ARHGAP42: variants seen among roughly 807,000 people sequenced by gnomAD.
ARHGAP42 encodes the protein rho GTPase-activating protein 42.
Under a neutral mutation model 125.0 loss-of-function variants are expected in ARHGAP42, and 63 were observed. That is an observed-to-expected ratio of 0.50 (90% CI 0.41 to 0.62). The LOEUF (loss-of-function observed/expected upper bound fraction) is 0.62, where lower values mean the gene tolerates loss of function less well. Among genes scored for constraint, ARHGAP42 ranks in the 20% least tolerant of loss-of-function variants. The probability of loss-of-function intolerance (pLI) is 0.00; values close to 1 mark genes in which losing one functional copy is unlikely to be tolerated. For missense variants in ARHGAP42, 766 were observed against 1,024.2 expected (o/e 0.75, Z 3.44); for synonymous variants, 339 against 351.0 (o/e 0.97, Z 0.38).
intron 7 of ARHGAP42, among the ~76,000 whole-genome samples, chr11:100,933,512 G>A (rs978537565): frequency 2.0e-5 from 3 of 152,178 alleles, no homozygotes; most frequent in African/African-American, 7.2e-5. Context: ...GGATGAGTAA[G>A]TTTGGAGAGC....
chr11:100,868,900 A>G (rs1035972130), intron 4 of ARHGAP42, among the ~76,000 whole-genome samples: 3 of 152,142 alleles, frequency 2.0e-5, no homozygotes, highest in Admixed American at 2.0e-4. Flanking sequence ...TTTCTTCCAC[A>G]TAGTAAGTAC....
intron 2 of ARHGAP42, among the ~76,000 whole-genome samples, chr11:100,792,064 C>G (rs1863580604): frequency 6.6e-6 from 1 of 152,184 alleles, no homozygotes; most frequent in African/African-American, 2.4e-5. Context: ...CAGCTGTTCT[C>G]AGAGGCAATA....
intron 12 of ARHGAP42, among the ~76,000 whole-genome samples, chr11:100,952,969 C>G (rs1857704748): frequency 6.6e-6 from 1 of 152,018 alleles, no homozygotes; most frequent in Non-Finnish European, 1.5e-5. Context: ...TCCTGTCGAA[C>G]TCCTCGGGTA....
rs549014870 is a variant in ARHGAP42 at position 100,944,138 on chromosome 11, C to T, written c.1043+270C>T. On this transcript the variant is annotated intron_variant, in intron 10 of 23. Coordinates refer to ENST00000298815, the MANE Select transcript of ARHGAP42 (RefSeq NM_152432.4). ...ATTAGGAGAAAGTGCATGTAGTGGC[C>T]TCATGGTCCCCATCATCATGAAGGA... 5.3e-5 allele frequency among the ~76,000 whole-genome samples: 8 copies of T among 152,072 alleles called. No individual in the cohort carries two copies. The South Asian group carries it at 1.7e-3, about 32-fold the overall frequency.
intron 3 of ARHGAP42, among the ~76,000 whole-genome samples, chr11:100,810,397 C>A (rs900033696): frequency 6.6e-6 from 1 of 152,194 alleles, no homozygotes; most frequent in Admixed American, 6.5e-5. Context: ...CCGGCTGGTC[C>A]TGAAGCTAGT....
chr11:100,885,117 A>G (rs1475078089), intron 4 of ARHGAP42, among the ~76,000 whole-genome samples: 10 of 152,290 alleles, frequency 6.6e-5, no homozygotes, highest in South Asian at 2.1e-4. Context: ...GTTGGCATGT[A>G]TATTCCGATC....
chr11:100,806,165 T>C (rs1329997477), intron 3 of ARHGAP42, among the ~76,000 whole-genome samples: 2 of 152,228 alleles, frequency 1.3e-5, no homozygotes, highest in East Asian at 1.9e-4. Flanking sequence ...ACATGTAAGA[T>C]CTAAAAATGT....
intron 3 of ARHGAP42, among the ~76,000 whole-genome samples, chr11:100,837,675 T>TA (rs1565235510): frequency 2.2e-5 from 3 of 137,156 alleles, no homozygotes; most frequent in East Asian, 2.1e-4. Context: ...CCTTTTTTTT[T>TA]TTTTTTTTTT....
intron 12 of ARHGAP42, among the ~76,000 whole-genome samples, chr11:100,951,559 A>T (rs1362412873): frequency 6.6e-6 from 1 of 152,194 alleles, no homozygotes; most frequent in African/African-American, 2.4e-5. Context: ...AGACAATTGC[A>T]CCTATATACA....
intron 7 of ARHGAP42, among the ~76,000 whole-genome samples, chr11:100,935,875 C>T (rs1172899933): frequency 6.6e-6 from 1 of 152,156 alleles, no homozygotes; most frequent in Non-Finnish European, 1.5e-5. Context: ...AGGTGGCTCA[C>T]ACCTGTAATC....
Position 100,980,347 on chromosome 11 carries a change from A to G in ARHGAP42, c.2456+1298A>G, listed in dbSNP as rs142667390. Among the ~76,000 whole-genome samples, 427 of 152,116 alleles carry G rather than the reference A, an allele frequency of 2.8e-3. 2 individuals carry two copies. The highest frequency in any genetic ancestry group is 7.8e-3 in the African/African-American group (325 of 41,524). On this transcript the variant is annotated intron_variant, in intron 22 of 23. Coordinates refer to ENST00000298815, the MANE Select transcript of ARHGAP42 (RefSeq NM_152432.4). ...ACCTTGCTACTTCTTCTGCCATGCT[A>G]CGTAGTTGAATTGCTCACTAGATGG...
intron 2 of ARHGAP42, among the ~76,000 whole-genome samples, chr11:100,781,827 T>C (rs2135011936): frequency 6.6e-6 from 1 of 152,278 alleles, no homozygotes; most frequent in South Asian, 2.1e-4. Context: ...TTTCCATTAA[T>C]CAAATTTATA....
At chr11:100,710,047 C>T (rs1861536286) in intron 1 of ARHGAP42, among the ~76,000 whole-genome samples, 1 of 152,130 alleles carries the variant, frequency 6.6e-6, no homozygotes, top group Non-Finnish European at 1.5e-5. Flanking sequence ...AACTGGAAAT[C>T]AGGAACAACT....
intron 1 of ARHGAP42, among the ~76,000 whole-genome samples, chr11:100,695,112 G>T (rs545000050): frequency 6.6e-6 from 1 of 152,336 alleles, no homozygotes; most frequent in South Asian, 2.1e-4. Flanking sequence ...TTTTACAGCT[G>T]CCATATTCTG....
At position 100,687,548 on chromosome 11, in the gene ARHGAP42, A is replaced by T. The variant is rs1344461802; in HGVS notation, c.-131A>T. 1 of 610,600 alleles carries T rather than the reference A, an allele frequency of 1.6e-6. No homozygotes were observed. Among genetic ancestry groups the T allele is most frequent in the Non-Finnish European group, 2.2e-6 (1 of 453,636 alleles). 37.8% of individuals were successfully genotyped at this position (610,600 alleles called of 1,614,324 possible). ...CGCTCGGGGCCCGTTTCCTCCGCGC[A>T]ATCAGTCCCCTCGCGTCCCGGCGCC... On this transcript the variant is annotated 5_prime_UTR_variant, in exon 1 of 24. Transcript: ENST00000298815.
At chr11:100,802,466 C>G (rs1434170898) in intron 3 of ARHGAP42, among the ~76,000 whole-genome samples, 1 of 149,522 alleles carries the variant, frequency 6.7e-6, no homozygotes, top group Non-Finnish European at 1.5e-5. Flanking sequence ...ACTCTGTCTC[C>G]CAGGCTGGAG....
chr11:100,930,529 G>A (rs995174733), intron 6 of ARHGAP42, among the ~76,000 whole-genome samples: 3 of 152,102 alleles, frequency 2.0e-5, no homozygotes, highest in Non-Finnish European at 2.9e-5. Flanking sequence ...CTCAGCATGC[G>A]TTGTGAGATT....
intron 1 of ARHGAP42, among the ~76,000 whole-genome samples, chr11:100,763,458 G>A (rs1862757098): frequency 6.6e-6 from 1 of 152,144 alleles, no homozygotes; most frequent in Non-Finnish European, 1.5e-5. Context: ...TTAGAAAGTA[G>A]AGGAATGAGC....
chr11:100,731,197 T>G (rs569533080), intron 1 of ARHGAP42, among the ~76,000 whole-genome samples: 76 of 152,232 alleles, frequency 5.0e-4, no homozygotes, highest in South Asian at 1.2e-3. Flanking sequence ...TCTTGCTCTG[T>G]TGCCAGGCTG....
Sources: gnomAD v4.1 joint callset for allele counts (sites outside exome capture counted in the v4.1 genomes callset) on GRCh38, gnomAD v4.1.1 for gene constraint, MANE v1.5 for transcripts, NCBI Gene and HGNC (gene_info 2026-07-23, HGNC 2026-07-21) for gene names.